The following MAF variants were observed in gnomAD, a reference collection of about 807,000 sequenced individuals.
MAF encodes MAF bZIP transcription factor.
MAF carries 10 observed loss-of-function variants against 22.0 expected under a neutral mutation model. That is an observed-to-expected ratio of 0.45 (90% CI 0.28 to 0.77). The LOEUF is 0.77. MAF is among the 30% of genes least tolerant of loss of function. The probability of loss-of-function intolerance (pLI) is 0.12; values close to 1 mark genes in which losing one functional copy is unlikely to be tolerated. For synonymous variants in MAF, 337 were observed against 255.8 expected (o/e 1.32, Z -3.03); for missense variants, 544 against 548.4 (o/e 0.99, Z 0.08).
At chr16:79,410,198 G>C in the MAF span, among the ~76,000 whole-genome samples, 8 of 152,176 alleles carry the variant, frequency 5.3e-5, no homozygotes, top group African/African-American at 1.9e-4. Flanking sequence ...TCCGATTTCT[G>C]TACGTCACTT....
the MAF span, among the ~76,000 whole-genome samples, chr16:79,577,531 G>A: frequency 6.6e-6 from 1 of 152,120 alleles, no homozygotes; most frequent in African/African-American, 2.4e-5. Context: ...GAGACACTCG[G>A]TGCATGGTAG....
chr16:79,452,084 C>G, the MAF span, among the ~76,000 whole-genome samples: 1 of 152,196 alleles, frequency 6.6e-6, no homozygotes, highest in Non-Finnish European at 1.5e-5. Context: ...TACATATGGT[C>G]TCTGATTGCT....
the MAF span, among the ~76,000 whole-genome samples, chr16:79,302,596 C>A: frequency 2.6e-5 from 4 of 152,228 alleles, no homozygotes; most frequent in African/African-American, 9.6e-5. Context: ...TAAAAACACC[C>A]ACATTTGTTA....
At chr16:79,461,234 G>A in the MAF span, among the ~76,000 whole-genome samples, 5 of 152,146 alleles carry the variant, frequency 3.3e-5, no homozygotes, top group Admixed American at 2.6e-4. Flanking sequence ...CTTTCTTAGA[G>A]GTGATATATT....
At chr16:79,305,795 G>C in the MAF span, among the ~76,000 whole-genome samples, 5 of 152,192 alleles carry the variant, frequency 3.3e-5, no homozygotes, top group African/African-American at 9.7e-5. Context: ...GCTGGAAAAG[G>C]AGGCTTACGA....
chr16:79,378,512 T>A, the MAF span, among the ~76,000 whole-genome samples: 2 of 152,186 alleles, frequency 1.3e-5, no homozygotes, highest in Non-Finnish European at 2.9e-5. Flanking sequence ...GACTTGAGCA[T>A]TTTTCTGTAT....
chr16:79,254,571 T>C, the MAF span, among the ~76,000 whole-genome samples: 30 of 152,356 alleles, frequency 2.0e-4, no homozygotes, highest in African/African-American at 6.3e-4. Flanking sequence ...ATCTTAGAGA[T>C]AGTTATATAT....
chr16:79,529,467 TC>T, the MAF span, among the ~76,000 whole-genome samples: 1 of 152,314 alleles, frequency 6.6e-6, no homozygotes, highest in South Asian at 2.1e-4. Context: ...TTTAGTAACT[TC>T]CTGTGAATCT....
the MAF span, among the ~76,000 whole-genome samples, chr16:79,461,987 C>G: frequency 6.6e-6 from 1 of 152,140 alleles, no homozygotes; most frequent in Non-Finnish European, 1.5e-5. Flanking sequence ...GAGAAGGCAC[C>G]TGCCACCCAT....
the MAF span, among the ~76,000 whole-genome samples, chr16:79,268,586 A>T: frequency 6.6e-6 from 1 of 152,234 alleles, no homozygotes; most frequent in African/African-American, 2.4e-5. Flanking sequence ...GCAACAACAG[A>T]CATAGAGTTG....
At chr16:79,579,184 A>G in the MAF span, among the ~76,000 whole-genome samples, 4 of 152,362 alleles carry the variant, frequency 2.6e-5, no homozygotes, top group East Asian at 7.7e-4. Context: ...TGATGCAAAA[A>G]TAATACTCCT....
the MAF span, among the ~76,000 whole-genome samples, chr16:79,254,622 T>C: frequency 1.5e-3 from 234 of 152,348 alleles, 1 homozygote; most frequent in African/African-American, 5.5e-3. Context: ...TGTTACATGA[T>C]ATGACTGCTA....
At chr16:79,556,129 C>T in the MAF span, among the ~76,000 whole-genome samples, 126 of 152,126 alleles carry the variant, frequency 8.3e-4, no homozygotes, top group African/African-American at 2.9e-3. Flanking sequence ...AATCAGCTTG[C>T]AAAATTCCTG....
At chr16:79,236,067 C>T in the MAF span, among the ~76,000 whole-genome samples, 1 of 152,106 alleles carries the variant, frequency 6.6e-6, no homozygotes, top group Non-Finnish European at 1.5e-5. Context: ...CTCCCATAGT[C>T]CATGCTAGCT....
chr16:79,584,542 C>T (rs371643919), downstream of MAF, among the ~76,000 whole-genome samples: 1 of 152,116 alleles, frequency 6.6e-6, no homozygotes, highest in African/African-American at 2.4e-5. Context: ...CCAGTGTGAA[C>T]CTTGCCTTTC....
chr16:79,211,568 T>C, the MAF span: 886,189 of 1,613,032 alleles, frequency 0.55, 253,623 homozygotes, highest in Non-Finnish European at 0.6. Context: ...ATCACTCCTT[T>C]TCTTAAAATT....
the MAF span, among the ~76,000 whole-genome samples, chr16:79,379,156 G>A: frequency 6.6e-6 from 1 of 152,198 alleles, no homozygotes. Flanking sequence ...ACAAATCCTG[G>A]CACAAGAATG....
the MAF span, among the ~76,000 whole-genome samples, chr16:79,400,404 G>A: frequency 9.1e-4 from 138 of 152,376 alleles, 3 homozygotes; most frequent in African/African-American, 3.1e-3. Context: ...GGAATAAGGA[G>A]AATTCCAACC....
the MAF span, among the ~76,000 whole-genome samples, chr16:79,248,306 G>A: frequency 2.0e-5 from 3 of 151,870 alleles, no homozygotes; most frequent in Non-Finnish European, 4.4e-5. Context: ...TTTTCTCTTC[G>A]TTGCTGTCTT....
Sources: allele counts gnomAD v4.1 joint callset (sites outside exome capture counted in the v4.1 genomes callset), GRCh38; gene constraint gnomAD v4.1.1; transcripts MANE v1.5; gene names NCBI Gene and HGNC (gene_info 2026-07-23, HGNC 2026-07-21).